Variants in ATP10B observed in about 807,000 individuals in gnomAD.
ATP10B encodes phospholipid-transporting ATPase VB.
ATP10B carries 122 observed loss-of-function variants against 141.2 expected under a neutral mutation model. The ratio of observed to expected loss-of-function variants is 0.86; its 90% CI spans 0.75 to 1.00. ATP10B has a LOEUF of 1.00. Among genes scored for constraint, ATP10B ranks in the 50% least tolerant of loss-of-function variants. ATP10B has a pLI of 0.00. For missense variants in ATP10B, 1,876 were observed against 1,825.3 expected (o/e 1.03, Z -0.51); for synonymous variants, 685 against 692.0 (o/e 0.99, Z 0.16).
chr5:160,892,724 G>C, the ATP10B span, among the ~76,000 whole-genome samples: 2 of 152,108 alleles, frequency 1.3e-5, no homozygotes, highest in African/African-American at 4.8e-5. Flanking sequence ...AGTAAAAAAC[G>C]ATAATAAGAG....
At chr5:160,583,541 G>A (rs918424956) in intron 24 of ATP10B, among the ~76,000 whole-genome samples, 1 of 152,216 alleles carries the variant, frequency 6.6e-6, no homozygotes, top group Admixed American at 6.5e-5. Context: ...CCCACTGGAG[G>A]AGACAGTCTG....
At chr5:160,717,433 C>G (rs556035188) in intron 2 of ATP10B, among the ~76,000 whole-genome samples, 1 of 152,296 alleles carries the variant, frequency 6.6e-6, no homozygotes, top group African/African-American at 2.4e-5. Flanking sequence ...TCAATTTTCT[C>G]TCTTCCTGTA....
At chr5:160,775,709 C>A (rs1337055675) in intron 2 of ATP10B, among the ~76,000 whole-genome samples, 2 of 124,026 alleles carry the variant, frequency 1.6e-5, no homozygotes, top group African/African-American at 6.2e-5. Context: ...GAGATGGAGT[C>A]TCGCTCTGTT....
intron 2 of ATP10B, among the ~76,000 whole-genome samples, chr5:160,717,501 G>A (rs1765731303): frequency 6.6e-6 from 1 of 152,148 alleles, no homozygotes; most frequent in Non-Finnish European, 1.5e-5. Context: ...AGCCCTCAGT[G>A]AACTTGGGAC....
intron 7 of ATP10B, among the ~76,000 whole-genome samples, chr5:160,663,865 A>G (rs1047798303): frequency 6.6e-6 from 1 of 152,218 alleles, no homozygotes; most frequent in Non-Finnish European, 1.5e-5. Context: ...GAGCTCAGTT[A>G]ACCTAGAGAA....
intron 2 of ATP10B, among the ~76,000 whole-genome samples, chr5:160,746,329 C>G (rs1767801121): frequency 6.6e-6 from 1 of 151,744 alleles, no homozygotes; most frequent in South Asian, 2.1e-4. Flanking sequence ...TTTCCAGTGG[C>G]TTTGAATTGA....
At chr5:160,755,833 AAAAAAATATATATATATAT>A (rs1475671907) in intron 2 of ATP10B, among the ~76,000 whole-genome samples, 4 of 71,302 alleles carry the variant, frequency 5.6e-5, no homozygotes, top group East Asian at 8.4e-4. Flanking sequence ...AAAAAAAAAA[AAAAAAATATATATATATAT>A]ATATATATAT....
At chr5:160,883,478 G>A in the ATP10B span, among the ~76,000 whole-genome samples, 1 of 103,746 alleles carries the variant, frequency 9.6e-6, no homozygotes, top group Admixed American at 9.8e-5. Flanking sequence ...GGCAGGTGGT[G>A]TGTAGTGATT....
chr5:160,911,958 T>G, the ATP10B span, among the ~76,000 whole-genome samples: 1 of 152,218 alleles, frequency 6.6e-6, no homozygotes, highest in East Asian at 1.9e-4. Context: ...ATTATTATAT[T>G]CTAAGTTGAC....
In ATP10B at chr5:160,620,686, ACT is replaced by A; in HGVS notation, c.2075_2076del (p.Glu692ValfsTer22). 6.2e-7 allele frequency: 1 copy of A among 1,613,790 alleles called. No homozygotes were observed. The highest frequency in any genetic ancestry group is 1.3e-5 in the African/African-American group (1 of 74,970). On this transcript the variant is annotated frameshift_variant, in exon 15 of 26. Transcript: ENST00000327245. LOFTEE classifies it high-confidence loss of function. ...SSMWDQGDILESGSGTSLEEA... is the reference protein window; with the variant it reads ...SSMWDQGDILXSGSGTSLEEA... ...TCCTCCAAGGAAGTGCCTGACCCAG[ACT>A]CCAGGATGTCGCCCTGGTCCCACAT...
At chr5:160,603,643 A>G (rs990895073) in intron 20 of ATP10B, 1 of 318,100 alleles carries the variant, frequency 3.1e-6, no homozygotes, top group African/African-American at 2.1e-5. Flanking sequence ...TATCCTCATC[A>G]ACAAATTTAA....
At chr5:160,673,855 T>C (rs942051242) in intron 6 of ATP10B, among the ~76,000 whole-genome samples, 6 of 152,202 alleles carry the variant, frequency 3.9e-5, no homozygotes, top group Non-Finnish European at 8.8e-5. Context: ...ATTGGAATGG[T>C]CCATACTCTC....
intron 24 of ATP10B, among the ~76,000 whole-genome samples, chr5:160,581,443 A>G (rs1378957595): frequency 6.6e-6 from 1 of 152,120 alleles, no homozygotes; most frequent in Non-Finnish European, 1.5e-5. Context: ...TTCAGTTTCC[A>G]TGTAGTTGTT....
intron 2 of ATP10B, among the ~76,000 whole-genome samples, chr5:160,778,271 C>G (rs1172145255): frequency 1.3e-5 from 2 of 152,122 alleles, no homozygotes; most frequent in Non-Finnish European, 2.9e-5. Flanking sequence ...TCACTCAATC[C>G]CAGTGAGGTG....
chr5:160,893,116 A>G, the ATP10B span, among the ~76,000 whole-genome samples: 1 of 152,128 alleles, frequency 6.6e-6, no homozygotes, highest in Non-Finnish European at 1.5e-5. Context: ...CAAAACTGGG[A>G]GGCCGTTTGG....
At chr5:160,785,000 T>C (rs1382184884) in intron 2 of ATP10B, among the ~76,000 whole-genome samples, 1 of 152,156 alleles carries the variant, frequency 6.6e-6, no homozygotes, top group Non-Finnish European at 1.5e-5. Context: ...AAACCAATCA[T>C]GGTGGTTCCA....
At chr5:160,923,611 G>A in the ATP10B span, among the ~76,000 whole-genome samples, 198 of 152,298 alleles carry the variant, frequency 1.3e-3, 1 homozygote, top group African/African-American at 4.7e-3. Context: ...TGATGTCCAA[G>A]CTTTAACTAG....
chr5:160,821,644 C>T (rs6867965), intron 1 of ATP10B, among the ~76,000 whole-genome samples: 120,782 of 152,114 alleles, frequency 0.79, 48,755 homozygotes, highest in East Asian at 0.97. Flanking sequence ...AGCATGGTAC[C>T]GGCATAAAAA....
chr5:160,818,500 C>T (rs1306628964), intron 1 of ATP10B, among the ~76,000 whole-genome samples: 3 of 152,194 alleles, frequency 2.0e-5, no homozygotes, highest in African/African-American at 7.2e-5. Flanking sequence ...CAGGAAACAA[C>T]AGGTGCTGGA....
Sources: gnomAD v4.1 joint callset for allele counts (sites outside exome capture counted in the v4.1 genomes callset) on GRCh38, gnomAD v4.1.1 for gene constraint, MANE v1.5 for transcripts, NCBI Gene and HGNC (gene_info 2026-07-23, HGNC 2026-07-21) for gene names.